CSGALNACT1: variants seen among roughly 807,000 people sequenced by gnomAD.
CSGALNACT1 encodes the protein beta4GalNAcT-1.
In CSGALNACT1, 52 loss-of-function variants were observed where a neutral mutation model predicts 51.0. That is an observed-to-expected ratio of 1.02 (90% CI 0.82 to 1.29). The LOEUF is 1.29. CSGALNACT1 is among the 50% of genes most tolerant of loss of function. The pLI, the probability that CSGALNACT1 is intolerant of heterozygous loss-of-function variation, is 0.00. For synonymous variants in CSGALNACT1, 341 were observed against 254.4 expected, an observed-to-expected ratio of 1.34 and a Z score of -3.24; for missense variants, 935 against 679.2, an observed-to-expected ratio of 1.38 and a Z score of -4.19.
upstream of CSGALNACT1, chr8:19,682,822 T>A (rs1300101894): frequency 6.8e-6 from 3 of 440,864 alleles, no homozygotes; most frequent in East Asian, 1.4e-4. Context: ...GATAACACTA[T>A]CCTGTTCTGC....
intron 3 of CSGALNACT1, among the ~76,000 whole-genome samples, chr8:19,508,309 A>G (rs1275876134): frequency 6.6e-6 from 1 of 152,238 alleles, no homozygotes; most frequent in Non-Finnish European, 1.5e-5. Context: ...CCTTTTAGTG[A>G]TATCACTATG....
At chr8:19,640,440 C>A (rs1292360701) in intron 1 of CSGALNACT1, among the ~76,000 whole-genome samples, 1 of 152,190 alleles carries the variant, frequency 6.6e-6, no homozygotes, top group Non-Finnish European at 1.5e-5. Flanking sequence ...CTTGACTGAA[C>A]ATCAAACTGC....
rs202245434 is a variant in CSGALNACT1 at position 19,666,885 on chromosome 8, G to GAA, written c.-544+15587_-544+15588insTT. On this transcript the variant is annotated intron_variant, in intron 1 of 9. Coordinates refer to the CSGALNACT1 transcript ENST00000332246. ...AGAAAGAAAGAAAGAAAGAAAGAAA[G>GAA]AGAGAGAGGAAGTGAGGAAGGGAGG... is the stretch of plus-strand genomic sequence containing the variant. Among the ~76,000 whole-genome samples, 123 of 134,370 alleles carry GAA rather than the reference G, an allele frequency of 9.2e-4. 9 individuals are homozygous for GAA. The highest frequency in any genetic ancestry group is 5.8e-3 in the East Asian group (28 of 4,854). 88.2% of individuals were successfully genotyped at this position (134,370 alleles called of 152,430 possible).
intron 4 of CSGALNACT1, among the ~76,000 whole-genome samples, chr8:19,459,255 C>T (rs572946057): frequency 6.6e-5 from 10 of 151,804 alleles, no homozygotes; most frequent in South Asian, 6.2e-4. Context: ...TCATGTTGTG[C>T]GCCTGTAACC....
intron 4 of CSGALNACT1, among the ~76,000 whole-genome samples, chr8:19,481,835 G>T (rs529996932): frequency 6.6e-6 from 1 of 152,138 alleles, no homozygotes; most frequent in Non-Finnish European, 1.5e-5. Context: ...CATCTTATGT[G>T]CAAAGCTAAA....
chr8:19,518,752 C>T (rs1395306551), intron 3 of CSGALNACT1, among the ~76,000 whole-genome samples: 1 of 152,218 alleles, frequency 6.6e-6, no homozygotes, highest in Non-Finnish European at 1.5e-5. Flanking sequence ...AGCTGCTTCA[C>T]TTCCAGCTAG....
At chr8:19,665,628 G>C (rs1413113450) in intron 1 of CSGALNACT1, among the ~76,000 whole-genome samples, 5 of 152,072 alleles carry the variant, frequency 3.3e-5, no homozygotes, top group Non-Finnish European at 7.4e-5. Context: ...TGCAAGCCTG[G>C]GGCAAAACCA....
chr8:19,625,186 G>T (rs1252401732), intron 1 of CSGALNACT1, among the ~76,000 whole-genome samples: 2 of 152,188 alleles, frequency 1.3e-5, no homozygotes, highest in Non-Finnish European at 1.5e-5. Context: ...CAGTGACCAG[G>T]AGGGACGTGG....
intron 1 of CSGALNACT1, among the ~76,000 whole-genome samples, chr8:19,672,962 G>C (rs111562512): frequency 6.6e-6 from 1 of 152,226 alleles, no homozygotes; most frequent in Non-Finnish European, 1.5e-5. Context: ...TTTAACCACT[G>C]TATCTCACTG....
chr8:19,586,443 A>T (rs1322172230), intron 3 of CSGALNACT1, among the ~76,000 whole-genome samples: 1 of 152,042 alleles, frequency 6.6e-6, no homozygotes, highest in African/African-American at 2.4e-5. Context: ...GAACTTAGAC[A>T]ACTCTTCCTA....
intron 6 of CSGALNACT1, among the ~76,000 whole-genome samples, chr8:19,435,175 T>C (rs1026917463): frequency 6.6e-6 from 1 of 152,184 alleles, no homozygotes; most frequent in Non-Finnish European, 1.5e-5. Context: ...ATGTGGTCAA[T>C]GCCAATTCAT....
At chr8:19,519,526 G>T (rs779376920) in intron 3 of CSGALNACT1, among the ~76,000 whole-genome samples, 1 of 152,168 alleles carries the variant, frequency 6.6e-6, no homozygotes, top group Non-Finnish European at 1.5e-5. Context: ...AAGAAAACAC[G>T]CAGCAGAGAA....
chr8:19,458,476 C>T, exon 5 of CSGALNACT1: 1 of 1,614,158 alleles, frequency 6.2e-7, no homozygotes, highest in East Asian at 2.2e-5. Flanking sequence ...TTGCTAGAGG[C>T]ACGATAACAT....
intron 3 of CSGALNACT1, among the ~76,000 whole-genome samples, chr8:19,524,574 G>A (rs973763906): frequency 2.6e-5 from 4 of 152,064 alleles, no homozygotes; most frequent in Admixed American, 1.3e-4. Flanking sequence ...ATAGTAGGAA[G>A]AGTTGGGATT....
At chr8:19,554,213 G>A (rs1192415073) in intron 3 of CSGALNACT1, among the ~76,000 whole-genome samples, 2 of 152,166 alleles carry the variant, frequency 1.3e-5, no homozygotes, top group African/African-American at 4.8e-5. Flanking sequence ...TATCTGCAAG[G>A]GAAGGAGAGT....
chr8:19,658,062 CAAAA>C lies in CSGALNACT1; in HGVS notation c.-544+24407_-544+24410del, dbSNP rs397973082. ...TATGTGTGCCCTCTCACCCTCCTTCCAAAAAAAAAAAAAAAAAAAAAAGTCCTGT... is the reference window on the plus strand; with the variant it reads ...TATGTGTGCCCTCTCACCCTCCTTCCAAAAAAAAAAAAAAAAAAGTCCTGT... On this transcript the variant is annotated intron_variant, in intron 1 of 9. Coordinates refer to the CSGALNACT1 transcript ENST00000332246. Among the ~76,000 whole-genome samples the C allele has an allele frequency of 2.2e-4, 19 of 86,684 alleles. 1 individual carries two copies. In the East Asian group the frequency reaches 6.6e-3, roughly 30 times the overall value. The allele number at this position is 86,684 out of a possible 152,430, so 56.9% of individuals were successfully genotyped here. A position where few individuals can be genotyped will look rare whatever the true frequency, so the allele number is the denominator to read the frequency against.
At chr8:19,599,503 AG>A (rs2049870938) in intron 2 of CSGALNACT1, among the ~76,000 whole-genome samples, 2 of 150,580 alleles carry the variant, frequency 1.3e-5, no homozygotes, top group Non-Finnish European at 3.0e-5. Context: ...AAAGAAAGAA[AG>A]AAAGAAAGAA....
In CSGALNACT1 at chr8:19,573,692, C is replaced by A. The variant is rs2043522244; in HGVS notation, c.-297+17468G>T. ...CTTCTGACCTCAAGTGCTCTGCCCA[C>A]CTCGGCCTCCCATACCAATCTCTCT... On this transcript the variant is annotated intron_variant, in intron 3 of 9. Coordinates refer to ENST00000454498, the Ensembl canonical transcript of CSGALNACT1. 3.3e-5 allele frequency among the ~76,000 whole-genome samples: 5 copies of A among 152,142 alleles called. No individual in the cohort carries two copies. The South Asian group carries it at 1.0e-3, about 32-fold the overall frequency.
At chr8:19,544,052 G>C (rs1294325510) in intron 3 of CSGALNACT1, among the ~76,000 whole-genome samples, 3 of 151,928 alleles carry the variant, frequency 2.0e-5, no homozygotes, top group African/African-American at 7.3e-5. Context: ...TAATGTAATG[G>C]GTTTTCTATT....
Sources: allele counts gnomAD v4.1 joint callset (sites outside exome capture counted in the v4.1 genomes callset), GRCh38; gene constraint gnomAD v4.1.1; transcripts MANE v1.5; gene names NCBI Gene and HGNC (gene_info 2026-07-23, HGNC 2026-07-21).